Variants in ANXA6 observed in about 807,000 individuals in gnomAD.
The protein encoded by ANXA6 is 67 kDa calelectrin.
A neutral mutation model predicts 95.4 loss-of-function variants in ANXA6; 71 were observed. The observed-to-expected ratio is 0.74, with a 90% CI of 0.61 to 0.91. The LOEUF is 0.91. ANXA6 is among the 40% of genes least tolerant of loss of function. The pLI, the probability that ANXA6 is intolerant of heterozygous loss-of-function variation, is 0.00. For synonymous variants in ANXA6, 289 were observed against 315.9 expected (o/e 0.91, Z 0.90); for missense variants, 830 against 876.4 (o/e 0.95, Z 0.67).
chr5:151,126,297 C>T (rs922231878), intron 14 of ANXA6, 105 bp downstream of exon 14: 10 of 914,872 alleles, frequency 1.1e-5, no homozygotes, highest in East Asian at 5.3e-5. Flanking sequence ...ATCAACGTGT[C>T]GGGTTGGCCG....
chr5:151,112,685 A>T (rs1489142844), intron 20 of ANXA6, among the ~76,000 whole-genome samples: 10 of 152,194 alleles, frequency 6.6e-5, no homozygotes, highest in Admixed American at 6.5e-4. Flanking sequence ...TTAGCTGAGC[A>T]TGGTGGCGCA....
intron 20 of ANXA6, 66 bp downstream of exon 20, chr5:151,117,061 G>T (rs935087305): frequency 1.4e-6 from 2 of 1,442,244 alleles, no homozygotes; most frequent in South Asian, 1.4e-5. Context: ...GCGTAGACAC[G>T]CATAAGCTGG....
At chr5:151,151,831 C>T (rs1284468465) in intron 1 of ANXA6, among the ~76,000 whole-genome samples, 2 of 152,220 alleles carry the variant, frequency 1.3e-5, no homozygotes, top group African/African-American at 4.8e-5. Context: ...TCATTCCAGA[C>T]CTGTGCCTCT....
chr5:151,131,115 G>A (rs1765498680), intron 11 of ANXA6, 116 bp downstream of exon 11: 2 of 1,064,638 alleles, frequency 1.9e-6, no homozygotes, highest in Admixed American at 3.8e-5. Flanking sequence ...CTTCACCAGG[G>A]TCAGTCCTGT....
At chr5:151,113,826 C>A (rs1456540534) in intron 20 of ANXA6, among the ~76,000 whole-genome samples, 5 of 152,172 alleles carry the variant, frequency 3.3e-5, no homozygotes. Context: ...AACTTGTACA[C>A]AAATGTTTAG....
rs1340358697 is a variant in ANXA6 at position 151,138,968 on chromosome 5, CA to C, written c.205-178del. ...CCCTAAGAGACAGGCTCAGAAACAA[CA>C]GAGGTCTTACTCCATGTCATGCTGC... On this transcript the variant is annotated intron_variant, in intron 4 of 25. Transcript: ENST00000354546. 9.2e-5 allele frequency: 57 copies of C among 622,650 alleles called. No homozygotes were observed. In the East Asian group the frequency reaches 1.3e-3, roughly 14 times the overall value. 38.6% of individuals were successfully genotyped at this position (622,650 alleles called of 1,614,324 possible).
chr5:151,139,483 C>G, intron 3 of ANXA6, 36 bp from the exon 4 acceptor site: 3 of 1,548,512 alleles, frequency 1.9e-6, no homozygotes, highest in African/African-American at 1.4e-5. Context: ...TCCTACCCAC[C>G]CTGCCTCCAG....
intron 20 of ANXA6, among the ~76,000 whole-genome samples, chr5:151,113,443 A>G (rs1036348349): frequency 6.6e-6 from 1 of 152,174 alleles, no homozygotes; most frequent in Non-Finnish European, 1.5e-5. Flanking sequence ...GGTAAAGTTG[A>G]TATGTATTTT....
intron 5 of ANXA6, among the ~76,000 whole-genome samples, chr5:151,138,177 G>T (rs1405406458): frequency 6.6e-6 from 1 of 152,056 alleles, no homozygotes; most frequent in Non-Finnish European, 1.5e-5. Flanking sequence ...TTCCTAGGGG[G>T]CAATTCTCTA....
chr5:151,108,371 G>A (rs1449929390), intron 23 of ANXA6, 84 bp downstream of exon 23: 12 of 1,277,820 alleles, frequency 9.4e-6, no homozygotes, highest in South Asian at 3.6e-5. Context: ...TAGTAGCTTC[G>A]GAGGCTGCCA....
At chr5:151,140,348 T>C (rs1250805752) in intron 2 of ANXA6, 105 bp from the exon 3 acceptor site, 3 of 968,444 alleles carry the variant, frequency 3.1e-6, no homozygotes, top group African/African-American at 3.2e-5. Flanking sequence ...CTGAGCTGCT[T>C]TCCCTGCAAA....
chr5:151,138,333 T>C (rs919450969), intron 5 of ANXA6, among the ~76,000 whole-genome samples: 1 of 152,160 alleles, frequency 6.6e-6, no homozygotes, highest in Admixed American at 6.5e-5. Context: ...GATCCTATTA[T>C]CCTTTAAGAT....
chr5:151,117,947 G>A (rs775799844), intron 18 of ANXA6, 110 bp from the exon 19 acceptor site: 7 of 841,090 alleles, frequency 8.3e-6, no homozygotes, highest in Admixed American at 6.2e-5. Flanking sequence ...GGCAGGGGGA[G>A]GTGGGGATGA....
intron 1 of ANXA6, chr5:151,155,503 AG>A (rs1473434512): frequency 6.6e-6 from 1 of 152,188 alleles, no homozygotes; most frequent in African/African-American, 2.4e-5. Context: ...AAAGGGAGTG[AG>A]GCTGGATTCC....
intron 17 of ANXA6, among the ~76,000 whole-genome samples, chr5:151,121,758 C>T (rs1765174400): frequency 6.6e-6 from 1 of 152,228 alleles, no homozygotes; most frequent in Non-Finnish European, 1.5e-5. Flanking sequence ...GTGACTTAAG[C>T]TGAATCAACT....
At chr5:151,149,051 C>T (rs990936505) in intron 1 of ANXA6, among the ~76,000 whole-genome samples, 5 of 151,560 alleles carry the variant, frequency 3.3e-5, no homozygotes, top group African/African-American at 7.3e-5. Flanking sequence ...CATGGTGGCA[C>T]ATGCCTATAG....
intron 1 of ANXA6, among the ~76,000 whole-genome samples, chr5:151,154,317 ATATATATATATATATT>A (rs1157287688): frequency 5.5e-4 from 63 of 115,464 alleles, no homozygotes; most frequent in African/African-American, 1.5e-3. Context: ...ATATATATAT[ATATATATATATATATT>A]GATCCCATAC....
At chr5:151,110,788 G>A (rs188517424) in intron 20 of ANXA6, 144 bp from the exon 21 acceptor site, 31 of 813,046 alleles carry the variant, frequency 3.8e-5, no homozygotes, top group African/African-American at 3.8e-4. Flanking sequence ...GAGAGAACCC[G>A]GGATGCGAAA....
chr5:151,104,461 C>T (rs1178702098), intron 24 of ANXA6, among the ~76,000 whole-genome samples: 1 of 152,202 alleles, frequency 6.6e-6, no homozygotes, highest in Admixed American at 6.5e-5. Flanking sequence ...ATGTGGGCAA[C>T]GTTTTACCCT....
Sources: gnomAD v4.1 joint callset for allele counts (sites outside exome capture counted in the v4.1 genomes callset) on GRCh38, gnomAD v4.1.1 for gene constraint, MANE v1.5 for transcripts, NCBI Gene and HGNC (gene_info 2026-07-23, HGNC 2026-07-21) for gene names.